The following ACSL3 variants were observed in gnomAD, a reference collection of about 807,000 sequenced individuals.
ACSL3 encodes the protein acyl-CoA synthetase long chain family member 3, also known as fatty acid CoA ligase Acsl3.
ACSL3 carries 34 observed loss-of-function variants against 84.7 expected under a neutral mutation model. The ratio of observed to expected loss-of-function variants is 0.40; its 90% confidence interval spans 0.31 to 0.53. The LOEUF (loss-of-function observed/expected upper bound fraction) is 0.53, where lower values mean the gene tolerates loss of function less well. Ranked by LOEUF, ACSL3 falls within the 20% of genes least tolerant of loss-of-function variation. The pLI is 0.48. For synonymous variants in ACSL3, 315 were observed against 299.4 expected, an observed-to-expected ratio of 1.05 and a Z score of -0.54; for missense variants, 680 against 873.1, an observed-to-expected ratio of 0.78 and a Z score of 2.79.
chr2:222,934,838 CA>C, intron 16 of ACSL3, 151 bp downstream of exon 16: 1 of 744,800 alleles, frequency 1.3e-6, no homozygotes, highest in African/African-American at 1.9e-5. Flanking sequence ...ATCAGTCCCC[CA>C]TTCAAGCCTT....
chr2:222,941,674 G>A lies in ACSL3; in HGVS notation c.*20G>A, dbSNP rs1451405226. On this transcript the variant is annotated 3_prime_UTR_variant, in exon 17 of 17. Transcript: ENST00000357430. ...AAATAATTATTCTCTTCTGGCATCA[G>A]TTTGCTACAGTGAGCTCAGATCAAA... 6.2e-7 allele frequency: 1 copy of A among 1,605,020 alleles called. No individual in the cohort carries two copies. The highest frequency in any genetic ancestry group is 2.2e-5 in the East Asian group (1 of 44,750).
chr2:222,907,309 A>T (rs77083997), intron 3 of ACSL3, among the ~76,000 whole-genome samples: 1 of 152,146 alleles, frequency 6.6e-6, no homozygotes, highest in Non-Finnish European at 1.5e-5. Context: ...CAGTTCTCTC[A>T]TCTATCTACA....
At chr2:222,895,336 T>A (rs1438453607) in intron 2 of ACSL3, among the ~76,000 whole-genome samples, 1 of 152,178 alleles carries the variant, frequency 6.6e-6, no homozygotes, top group Admixed American at 6.5e-5. Flanking sequence ...TCTCTCCTCC[T>A]CCAGAGGTGT....
chr2:222,863,974 G>GT lies in ACSL3; in HGVS notation c.-207+2727dup, dbSNP rs373907891. 5.3e-3 allele frequency among the ~76,000 whole-genome samples: 780 copies of GT among 146,324 alleles called. 3 individuals are homozygous for GT. The highest frequency in any genetic ancestry group is 0.032 in the Middle Eastern group (9 of 278). ...ATGTATACTAATACTCAAATTTAAG[G>GT]TTTTTTTTTTTCAAAGTGCTAGCAT... On this transcript the variant is annotated intron_variant, in intron 1 of 16. Coordinates refer to ENST00000357430, the MANE Select transcript of ACSL3 (RefSeq NM_004457.5).
At chr2:222,866,505 A>T (rs997509954) in intron 1 of ACSL3, among the ~76,000 whole-genome samples, 1 of 152,160 alleles carries the variant, frequency 6.6e-6, no homozygotes, top group Non-Finnish European at 1.5e-5. Flanking sequence ...GCACAGAGCA[A>T]TTTAAGTGAC....
chr2:222,924,999 T>C (rs1696839067), intron 11 of ACSL3, among the ~76,000 whole-genome samples: 1 of 147,158 alleles, frequency 6.8e-6, no homozygotes, highest in Non-Finnish European at 1.5e-5. Context: ...GCACGATCTG[T>C]CTGCCTGGGC....
intron 1 of ACSL3, among the ~76,000 whole-genome samples, chr2:222,880,210 T>C (rs771477441): frequency 2.0e-5 from 3 of 152,224 alleles, no homozygotes; most frequent in Non-Finnish European, 4.4e-5. Context: ...TTTTTTCTTC[T>C]AGATAAATGT....
intron 2 of ACSL3, among the ~76,000 whole-genome samples, chr2:222,898,690 A>T (rs975892397): frequency 6.6e-6 from 1 of 152,118 alleles, no homozygotes; most frequent in Non-Finnish European, 1.5e-5. Flanking sequence ...AGCCGGGCGC[A>T]GTGGCGGGCG....
At chr2:222,881,081 T>C (rs1360744065) in intron 1 of ACSL3, among the ~76,000 whole-genome samples, 1 of 152,236 alleles carries the variant, frequency 6.6e-6, no homozygotes, top group Non-Finnish European at 1.5e-5. Context: ...GCCGTAAATG[T>C]AAGCCATATA....
chr2:222,933,131 T>A, intron 14 of ACSL3, 35 bp from the exon 15 acceptor site: 1 of 1,304,396 alleles, frequency 7.7e-7, no homozygotes, highest in Non-Finnish European at 1.1e-6. Flanking sequence ...TTATTACTCA[T>A]TGTTTTCCCC....
intron 4 of ACSL3, chr2:222,909,782 A>G (rs1574546849): frequency 6.6e-6 from 1 of 152,496 alleles, no homozygotes; most frequent in East Asian, 1.9e-4. Flanking sequence ...TGTAATATGA[A>G]GATAATGATC....
Position 222,918,153 on chromosome 2 carries a change from A to G in ACSL3, c.664A>G (p.Lys222Glu). 6.3e-6 allele frequency: 10 copies of G among 1,598,592 alleles called. No individual in the cohort carries two copies. Among genetic ancestry groups the G allele is most frequent in the Non-Finnish European group, 7.7e-6 (9 of 1,167,186 alleles). Residue 222 changes from lysine to glutamate, a missense_variant and splice_region_variant, in exon 6 of 17, where the codon AAG becomes GAG. This residue lies in a region of ACSL3 where 333 missense variants were observed against 347.5 expected (regional missense o/e 0.96). Coordinates refer to ENST00000357430, the MANE Select transcript of ACSL3 (RefSeq NM_004457.5). ...TAAAGAACTCTTACAAACAAAGTTGAAGGTGAGGACTCTAGTTACTTTCTA... is the reference window on the plus strand; with the variant it reads ...TAAAGAACTCTTACAAACAAAGTTGGAGGTGAGGACTCTAGTTACTTTCTA... ...TSKELLQTKL[K>E]DIVSLVPRLR...
chr2:222,935,911 T>C (rs1438362643), intron 16 of ACSL3, among the ~76,000 whole-genome samples: 2 of 152,176 alleles, frequency 1.3e-5, no homozygotes, highest in South Asian at 2.1e-4. Context: ...CTATACCCAT[T>C]ACACTAATTC....
At chr2:222,883,456 T>C (rs562435771) in intron 1 of ACSL3, among the ~76,000 whole-genome samples, 1 of 152,308 alleles carries the variant, frequency 6.6e-6, no homozygotes, top group East Asian at 1.9e-4. Context: ...GTGCTGAGAT[T>C]ACAGGCGTGA....
Position 222,942,389 on chromosome 2 carries a change from G to A in ACSL3, c.*735G>A, listed in dbSNP as rs959511211. The stretch of plus-strand genomic sequence containing the variant: ...CATGTGTAGCACCAGTTGATAATTG[G>A]TCTCTAGTAGCTTACTGTCAAAATG... On this transcript the variant is annotated 3_prime_UTR_variant, in exon 17 of 17. Transcript: ENST00000357430. The A allele has an allele frequency of 5.2e-6, 1 of 192,282 alleles. No homozygotes were observed. Among genetic ancestry groups the A allele is most frequent in the Non-Finnish European group, 1.1e-5 (1 of 91,886 alleles). The allele number at this position is 192,282 out of a possible 1,614,324, so 11.9% of individuals were successfully genotyped here.
At chr2:222,879,268 A>G (rs1428943052) in intron 1 of ACSL3, among the ~76,000 whole-genome samples, 2 of 152,226 alleles carry the variant, frequency 1.3e-5, no homozygotes, top group Non-Finnish European at 2.9e-5. Flanking sequence ...CAGTGAGCCT[A>G]GATGGTGCCA....
intron 1 of ACSL3, among the ~76,000 whole-genome samples, chr2:222,867,675 A>G (rs953812008): frequency 2.6e-5 from 4 of 152,198 alleles, no homozygotes; most frequent in African/African-American, 9.6e-5. Flanking sequence ...GGTCTATACC[A>G]TATTTATTTC....
In ACSL3 at chr2:222,865,908, C is replaced by A. The variant is rs565106064; in HGVS notation, c.-207+4650C>A. Among the ~76,000 whole-genome samples, 16 of 152,224 alleles carry A rather than the reference C, an allele frequency of 1.1e-4. No homozygotes were observed. In the South Asian group the frequency reaches 3.1e-3, roughly 30 times the overall value. ...AATTAAAAATTGCTTATCTTACTATCCTCATGTTGATTGCTCTAGCTGTGA... is the reference window on the plus strand; with the variant it reads ...AATTAAAAATTGCTTATCTTACTATACTCATGTTGATTGCTCTAGCTGTGA... On this transcript the variant is annotated intron_variant, in intron 1 of 16. Transcript: ENST00000357430.
chr2:222,883,627 C>G (rs1695646890), intron 1 of ACSL3, among the ~76,000 whole-genome samples: 2 of 152,120 alleles, frequency 1.3e-5, no homozygotes, highest in Admixed American at 6.5e-5. Context: ...TTTATCAGCT[C>G]TGGGATATTA....
Sources: allele counts gnomAD v4.1 joint callset (sites outside exome capture counted in the v4.1 genomes callset), GRCh38; gene constraint gnomAD v4.1.1; regional missense constraint gnomAD v4.1.1; transcripts MANE v1.5; gene names NCBI Gene and HGNC (gene_info 2026-07-23, HGNC 2026-07-21).